MMP16: variants seen among roughly 807,000 people sequenced by gnomAD.
MMP16 encodes matrix metalloproteinase-16.
Under a neutral mutation model 67.8 loss-of-function variants are expected in MMP16, and 12 were observed. The ratio of observed to expected loss-of-function variants is 0.18; its 90% confidence interval spans 0.11 to 0.29. MMP16 has a LOEUF of 0.29. Among genes scored for constraint, MMP16 ranks in the 10% least tolerant of loss-of-function variants. The pLI, the probability that MMP16 is intolerant of heterozygous loss-of-function variation, is 1.00. For missense variants in MMP16, 475 were observed against 765.7 expected, an observed-to-expected ratio of 0.62 and a Z score of 4.48; for synonymous variants, 249 against 255.9, an observed-to-expected ratio of 0.97 and a Z score of 0.26.
chr8:88,062,204 A>G (rs1197567607), intron 7 of MMP16, among the ~76,000 whole-genome samples: 1 of 152,002 alleles, frequency 6.6e-6, no homozygotes, highest in Admixed American at 6.6e-5. Flanking sequence ...AAATGGTTGA[A>G]CTAGTTACTG....
chr8:88,271,556 C>T (rs1459849610), intron 1 of MMP16, among the ~76,000 whole-genome samples: 2 of 152,096 alleles, frequency 1.3e-5, no homozygotes, highest in Admixed American at 6.6e-5. Context: ...TACAGTGGTG[C>T]GATCTTGGCT....
chr8:88,225,294 T>C (rs980282418), intron 1 of MMP16, among the ~76,000 whole-genome samples: 5 of 152,022 alleles, frequency 3.3e-5, no homozygotes, highest in Non-Finnish European at 7.4e-5. Flanking sequence ...GAAATGTTTC[T>C]ATGACACATT....
At chr8:88,069,583 A>T in intron 7 of MMP16, 1 of 457,240 alleles carries the variant, frequency 2.2e-6, no homozygotes, top group Non-Finnish European at 4.3e-6. Flanking sequence ...CTTTCAGTGA[A>T]AAATTTAGGC....
intron 1 of MMP16, among the ~76,000 whole-genome samples, chr8:88,208,632 G>C (rs900438130): frequency 4.6e-5 from 7 of 152,072 alleles, no homozygotes; most frequent in African/African-American, 1.4e-4. Flanking sequence ...CCCCAATAGA[G>C]AGAAAATCAT....
At chr8:88,230,863 T>C (rs564969188) in intron 1 of MMP16, among the ~76,000 whole-genome samples, 1 of 152,146 alleles carries the variant, frequency 6.6e-6, no homozygotes, top group Admixed American at 6.6e-5. Context: ...GTGAGTCATA[T>C]GAAGTTGCAT....
intron 1 of MMP16, among the ~76,000 whole-genome samples, chr8:88,258,377 A>G (rs1810337687): frequency 6.6e-6 from 1 of 152,230 alleles, no homozygotes; most frequent in Non-Finnish European, 1.5e-5. Context: ...TGAATAAGTT[A>G]CCAGAGTGAG....
intron 6 of MMP16, among the ~76,000 whole-genome samples, chr8:88,089,766 T>C (rs752803946): frequency 1.1e-4 from 16 of 151,760 alleles, no homozygotes; most frequent in Admixed American, 4.6e-4. Flanking sequence ...AATAAAGCAC[T>C]TGAGTTAGGT....
chr8:88,229,404 G>A (rs1392653818), intron 1 of MMP16, among the ~76,000 whole-genome samples: 9 of 151,962 alleles, frequency 5.9e-5, no homozygotes, highest in South Asian at 2.1e-4. Flanking sequence ...AAATCAAAAC[G>A]GGGTATGCTC....
chr8:88,149,219 G>T (rs1240151311), intron 4 of MMP16, among the ~76,000 whole-genome samples: 1 of 152,214 alleles, frequency 6.6e-6, no homozygotes, highest in East Asian at 1.9e-4. Context: ...TACACCCACG[G>T]AATCTCGCTG....
At chr8:88,196,596 A>C (rs1809260906) in intron 2 of MMP16, among the ~76,000 whole-genome samples, 1 of 152,212 alleles carries the variant, frequency 6.6e-6, no homozygotes, top group African/African-American at 2.4e-5. Context: ...TGTGATAACA[A>C]GAAATTGAAA....
chr8:88,325,508 A>G (rs1483701820), intron 1 of MMP16, among the ~76,000 whole-genome samples: 1 of 152,190 alleles, frequency 6.6e-6, no homozygotes, highest in African/African-American at 2.4e-5. Context: ...TTATAACATT[A>G]TAAATAACAG....
intron 1 of MMP16, among the ~76,000 whole-genome samples, chr8:88,286,134 A>G (rs139283193): frequency 1.6e-3 from 250 of 152,224 alleles, no homozygotes; most frequent in Middle Eastern, 0.01. Context: ...CTTCCCACTC[A>G]ATACACTTTT....
rs757718696 is a variant in MMP16 at position 88,034,608 on chromosome 8, T to G, written c.*6853A>C. 1 of 152,206 alleles carries G rather than the reference T, an allele frequency of 6.6e-6. No homozygotes were observed. The highest frequency in any genetic ancestry group is 1.5e-5 in the Non-Finnish European group (1 of 67,938). The allele number at this position is 152,206 out of a possible 1,614,324, so 9.4% of individuals were successfully genotyped here. ...GGCCTCTGTGACGGTATTTCAGTAA[T>G]AGCAAAAATTGTAACATTGATTTAA... is the stretch of plus-strand genomic sequence containing the variant. On this transcript the variant is annotated 3_prime_UTR_variant, in exon 10 of 10. Transcript: ENST00000286614.
chr8:88,133,066 C>T (rs1292231499), intron 4 of MMP16, among the ~76,000 whole-genome samples: 1 of 151,792 alleles, frequency 6.6e-6, no homozygotes, highest in African/African-American at 2.4e-5. Context: ...TTTTTCTCCC[C>T]TTTAACACTG....
chr8:88,074,503 C>A, intron 7 of MMP16, 102 bp downstream of exon 7: 1 of 1,006,624 alleles, frequency 9.9e-7, no homozygotes, highest in Non-Finnish European at 1.4e-6. Flanking sequence ...TTCATTAAAT[C>A]CATAGGCTAT....
intron 6 of MMP16, among the ~76,000 whole-genome samples, chr8:88,097,205 A>C (rs774370830): frequency 6.6e-6 from 1 of 151,954 alleles, no homozygotes; most frequent in African/African-American, 2.4e-5. Context: ...GTTTAAATTT[A>C]AGTTATCTGT....
chr8:88,242,130 T>C (rs1475601264), intron 1 of MMP16, among the ~76,000 whole-genome samples: 2 of 152,174 alleles, frequency 1.3e-5, no homozygotes, highest in African/African-American at 2.4e-5. Context: ...AAAAGAAAGA[T>C]ATACAACCAG....
At chr8:88,145,912 A>T (rs1459463610) in intron 4 of MMP16, among the ~76,000 whole-genome samples, 1 of 151,964 alleles carries the variant, frequency 6.6e-6, no homozygotes, top group Non-Finnish European at 1.5e-5. Flanking sequence ...ATTGCTAAAC[A>T]TCAAGCCTGT....
At chr8:88,081,902 T>G (rs1808757390) in intron 6 of MMP16, among the ~76,000 whole-genome samples, 1 of 152,000 alleles carries the variant, frequency 6.6e-6, no homozygotes, top group African/African-American at 2.4e-5. Flanking sequence ...CAGTAGCTGT[T>G]TTTCTTAAAA....
Sources: gnomAD v4.1 joint callset for allele counts (sites outside exome capture counted in the v4.1 genomes callset) on GRCh38, gnomAD v4.1.1 for gene constraint, MANE v1.5 for transcripts, NCBI Gene and HGNC (gene_info 2026-07-23, HGNC 2026-07-21) for gene names.